Variants in VCL observed in about 807,000 individuals in gnomAD.
VCL encodes the protein vinculin, also known as epididymis luminal protein 114.
In VCL, 47 loss-of-function variants were observed where a neutral mutation model predicts 125.7. The observed-to-expected ratio is 0.37, with a 90% confidence interval of 0.30 to 0.48. The LOEUF is 0.48. VCL is among the 20% of genes least tolerant of loss of function. The probability of loss-of-function intolerance (pLI) is 0.99; values close to 1 mark genes in which losing one functional copy is unlikely to be tolerated. For synonymous variants in VCL, 458 were observed against 514.6 expected, an observed-to-expected ratio of 0.89 and a Z score of 1.49; for missense variants, 1,069 against 1,455.5, an observed-to-expected ratio of 0.73 and a Z score of 4.32.
chr10:74,086,465 C>A (rs1305097642), intron 8 of VCL, among the ~76,000 whole-genome samples: 3 of 152,210 alleles, frequency 2.0e-5, no homozygotes, highest in African/African-American at 7.2e-5. Flanking sequence ...ATGGTAAGAA[C>A]TTTGCAAAAA....
At chr10:74,093,838 T>C (rs1839926208) in intron 10 of VCL, among the ~76,000 whole-genome samples, 1 of 152,120 alleles carries the variant, frequency 6.6e-6, no homozygotes, top group Non-Finnish European at 1.5e-5. Flanking sequence ...AAATTGCTTG[T>C]AACAGTACCT....
chr10:74,088,347 T>C (rs1839821476), intron 8 of VCL, among the ~76,000 whole-genome samples: 1 of 152,146 alleles, frequency 6.6e-6, no homozygotes, highest in South Asian at 2.1e-4. Context: ...GAGAGGAAAA[T>C]AGTGAAATCA....
chr10:74,011,754 C>T (rs1045673393), intron 1 of VCL, among the ~76,000 whole-genome samples: 1 of 152,070 alleles, frequency 6.6e-6, no homozygotes, highest in African/African-American at 2.4e-5. Context: ...GTGTTGGGTA[C>T]ATATTTTGAA....
At chr10:74,009,124 A>T (rs1840370534) in intron 1 of VCL, among the ~76,000 whole-genome samples, 1 of 146,104 alleles carries the variant, frequency 6.8e-6, no homozygotes, top group Non-Finnish European at 1.5e-5. Flanking sequence ...TGTACCTTGG[A>T]TCTGTAGAAG....
intron 1 of VCL, among the ~76,000 whole-genome samples, chr10:74,038,114 C>T (rs966145110): frequency 6.6e-6 from 1 of 151,916 alleles, no homozygotes; most frequent in African/African-American, 2.4e-5. Context: ...TTTCCTGCCT[C>T]AGCCTCCCAA....
In VCL at chr10:74,101,075, C is replaced by T. The variant is rs794729187; in HGVS notation, c.2000C>T (p.Thr667Met). ...TVEGIQASVKTARELTPQVVS... is the reference protein window; with the variant it reads ...TVEGIQASVKMARELTPQVVS... ...GAAGGCATTCAGGCCTCAGTGAAGA[C>T]GGCCCGAGAACTCACACCCCAGGTT... The change falls in exon 14 of 22, where the codon ACG (threonine) becomes ATG (methionine). Residue 667 changes from threonine (T) to methionine (M), a missense_variant. Physicochemically the swap from Thr to Met is moderately conservative, Grantham distance 81. Around this residue, in one of 6 missense-constraint regions of VCL, gnomAD observed 760 missense variants for 928.9 expected, o/e 0.82. Coordinates refer to ENST00000211998, the MANE Select transcript of VCL (RefSeq NM_014000.3). The T allele has an allele frequency of 1.7e-5, 28 of 1,613,446 alleles. No homozygotes were observed. Among genetic ancestry groups the T allele is most frequent in the Middle Eastern group, 3.3e-4 (2 of 6,078 alleles).
At chr10:74,062,994 C>T (rs1841503891) in intron 2 of VCL, among the ~76,000 whole-genome samples, 1 of 152,120 alleles carries the variant, frequency 6.6e-6, no homozygotes, top group Non-Finnish European at 1.5e-5. Context: ...CCTTTGAACC[C>T]AAGAGGTGGA....
At chr10:74,066,527 T>C (rs1283312955) in intron 2 of VCL, among the ~76,000 whole-genome samples, 1 of 152,094 alleles carries the variant, frequency 6.6e-6, no homozygotes, top group Non-Finnish European at 1.5e-5. Context: ...ATTGCTTAGG[T>C]ATGTATACAT....
chr10:74,057,577 CT>C (rs1841409912), intron 2 of VCL, among the ~76,000 whole-genome samples: 2 of 152,084 alleles, frequency 1.3e-5, no homozygotes, highest in Admixed American at 6.6e-5. Flanking sequence ...AGGGTCTGGA[CT>C]TTAATATTAT....
At chr10:74,015,691 C>CTT (rs575847807) in intron 1 of VCL, among the ~76,000 whole-genome samples, 1 of 144,048 alleles carries the variant, frequency 6.9e-6, no homozygotes, top group Non-Finnish European at 1.5e-5. Context: ...CTTTCTTTTT[C>CTT]TTTTTTTTTT....
At chr10:74,023,953 A>C (rs1840721745) in intron 1 of VCL, among the ~76,000 whole-genome samples, 1 of 152,176 alleles carries the variant, frequency 6.6e-6, no homozygotes, top group Non-Finnish European at 1.5e-5. Flanking sequence ...GCTCATATGT[A>C]GTCACACTAA....
intron 18 of VCL, among the ~76,000 whole-genome samples, chr10:74,111,606 T>A (rs1053328749): frequency 1.2e-4 from 19 of 152,378 alleles, no homozygotes; most frequent in Admixed American, 9.1e-4. Context: ...TTGACTTTAG[T>A]ATCAAGTATA....
At chr10:74,003,225 A>G (rs879134680) in intron 1 of VCL, among the ~76,000 whole-genome samples, 14 of 152,102 alleles carry the variant, frequency 9.2e-5, no homozygotes, top group Middle Eastern at 3.4e-3. Flanking sequence ...GGCATGTACC[A>G]CTTAAAACTC....
chr10:74,055,575 G>C (rs1313941602), intron 2 of VCL, among the ~76,000 whole-genome samples: 1 of 151,740 alleles, frequency 6.6e-6, no homozygotes, highest in African/African-American at 2.4e-5. Flanking sequence ...TGTCCAGGTG[G>C]GTCTAGAACT....
chr10:74,052,744 CT>C (rs915908729), intron 2 of VCL, among the ~76,000 whole-genome samples: 1,579 of 143,568 alleles, frequency 0.011, 22 homozygotes, highest in African/African-American at 0.032. Context: ...TGTAGTAAGA[CT>C]TTTTTTTTTT....
chr10:74,103,738 T>A (rs1225446675), intron 14 of VCL, 82 bp from the exon 15 acceptor site: 13 of 1,311,360 alleles, frequency 9.9e-6, no homozygotes, highest in Non-Finnish European at 1.4e-5. Flanking sequence ...CATCTGTAGG[T>A]AAAGAGGAGA....
chr10:74,043,199 T>A, intron 2 of VCL, 46 bp downstream of exon 2: 3 of 1,534,334 alleles, frequency 2.0e-6, no homozygotes, highest in Non-Finnish European at 2.7e-6. Context: ...AATAATACTC[T>A]TGTTAGGAAG....
chr10:74,069,109 G>A (rs1841620592), intron 2 of VCL, among the ~76,000 whole-genome samples: 1 of 151,954 alleles, frequency 6.6e-6, no homozygotes, highest in Non-Finnish European at 1.5e-5. Flanking sequence ...CCAGGCTGGA[G>A]TGCAGTGGCA....
At chr10:74,084,652 G>A (rs1354948681) in intron 8 of VCL, among the ~76,000 whole-genome samples, 3 of 150,358 alleles carry the variant, frequency 2.0e-5, no homozygotes, top group Non-Finnish European at 4.4e-5. Flanking sequence ...CGCTCTTGTT[G>A]CCCAGGCTGG....
Sources: gnomAD v4.1 joint callset for allele counts (sites outside exome capture counted in the v4.1 genomes callset) on GRCh38, gnomAD v4.1.1 for gene constraint, gnomAD v4.1.1 regional missense constraint, MANE v1.5 for transcripts, NCBI Gene and HGNC (gene_info 2026-07-23, HGNC 2026-07-21) for gene names.